RBFOX1: variants seen among roughly 807,000 people sequenced by gnomAD.
The protein encoded by RBFOX1 is RNA binding fox-1 homolog 1.
A neutral mutation model predicts 57.7 loss-of-function variants in RBFOX1; 8 were observed. That is an observed-to-expected ratio of 0.14 (90% confidence interval 0.08 to 0.25). The LOEUF (loss-of-function observed/expected upper bound fraction) is 0.25. Among genes scored for constraint, RBFOX1 ranks in the 10% least tolerant of loss-of-function variants. The pLI is 1.00. For synonymous variants in RBFOX1, 326 were observed against 222.4 expected, an observed-to-expected ratio of 1.47 and a Z score of -4.15; for missense variants, 611 against 548.5, an observed-to-expected ratio of 1.11 and a Z score of -1.14.
chr16:7,209,166 TAATAATAATAATAATA>T (rs2090611766), intron 4 of RBFOX1, among the ~76,000 whole-genome samples: 1 of 148,196 alleles, frequency 6.7e-6, no homozygotes, highest in African/African-American at 2.5e-5. Flanking sequence ...ATAATAATAA[TAATAATAATAATAATA>T]ATAATTGCAG....
intron 14 of RBFOX1, among the ~76,000 whole-genome samples, chr16:7,693,667 T>G (rs1299807208): frequency 6.6e-6 from 1 of 152,136 alleles, no homozygotes. Flanking sequence ...AGTGCTCTTA[T>G]GGTAAAATAG....
At chr16:5,377,569 GAA>G (rs2066018002) in intron 1 of RBFOX1, among the ~76,000 whole-genome samples, 1 of 145,498 alleles carries the variant, frequency 6.9e-6, no homozygotes, top group African/African-American at 2.6e-5. Flanking sequence ...GGAAGGAAAG[GAA>G]AGAGAGGAGA....
chr16:5,782,246 G>T (rs1327374856), intron 3 of RBFOX1, among the ~76,000 whole-genome samples: 2 of 152,200 alleles, frequency 1.3e-5, no homozygotes. Flanking sequence ...AGGCTGGGAA[G>T]TCCAAGATCA....
At chr16:6,618,243 A>G (rs1161643023) in intron 2 of RBFOX1, among the ~76,000 whole-genome samples, 6 of 152,176 alleles carry the variant, frequency 3.9e-5, no homozygotes, top group Admixed American at 6.5e-5. Flanking sequence ...CAGTTATTGA[A>G]TATGATTATG....
intron 3 of RBFOX1, among the ~76,000 whole-genome samples, chr16:5,716,746 T>C (rs2051715454): frequency 6.6e-6 from 1 of 152,188 alleles, no homozygotes; most frequent in Non-Finnish European, 1.5e-5. Context: ...AGTAAAATGA[T>C]TTATATTCCT....
chr16:7,678,173 G>T (rs542193247), intron 14 of RBFOX1, among the ~76,000 whole-genome samples: 1 of 152,140 alleles, frequency 6.6e-6, no homozygotes, highest in Non-Finnish European at 1.5e-5. Flanking sequence ...GCTGTAGGGG[G>T]CCTTCAGAGA....
At chr16:7,185,409 T>G (rs2083516779) in intron 4 of RBFOX1, among the ~76,000 whole-genome samples, 1 of 152,194 alleles carries the variant, frequency 6.6e-6, no homozygotes. Context: ...ATGGATTACA[T>G]GGAGGGCCAT....
chr16:5,454,039 G>C (rs147319907), intron 1 of RBFOX1, among the ~76,000 whole-genome samples: 1 of 152,310 alleles, frequency 6.6e-6, no homozygotes, highest in African/African-American at 2.4e-5. Flanking sequence ...GGGAAAAGGA[G>C]AGTCATAGAA....
chr16:5,891,324 G>C (rs1001819085), intron 4 of RBFOX1, among the ~76,000 whole-genome samples: 2 of 152,162 alleles, frequency 1.3e-5, no homozygotes, highest in Non-Finnish European at 2.9e-5. Flanking sequence ...CGCAGCACAC[G>C]TCCAGGTAGG....
At chr16:5,729,182 C>T (rs185476303) in intron 3 of RBFOX1, among the ~76,000 whole-genome samples, 1 of 152,210 alleles carries the variant, frequency 6.6e-6, no homozygotes, top group East Asian at 1.9e-4. Flanking sequence ...TGTCTTTGGG[C>T]GAGGGGCTTA....
At chr16:5,975,786 A>G (rs1043143922) in intron 4 of RBFOX1, among the ~76,000 whole-genome samples, 1 of 152,220 alleles carries the variant, frequency 6.6e-6, no homozygotes, top group African/African-American at 2.4e-5. Flanking sequence ...CAGTTGTATA[A>G]TTCAATGAGA....
chr16:6,509,024 T>C (rs1467698319), intron 2 of RBFOX1, among the ~76,000 whole-genome samples: 1 of 152,228 alleles, frequency 6.6e-6, no homozygotes, highest in Non-Finnish European at 1.5e-5. Context: ...ATCACCCTTC[T>C]TCATGGCACC....
chr16:6,437,862 C>T (rs537485872), intron 2 of RBFOX1, among the ~76,000 whole-genome samples: 1 of 152,156 alleles, frequency 6.6e-6, no homozygotes, highest in Non-Finnish European at 1.5e-5. Flanking sequence ...CATTCAGTCA[C>T]GTCCCACCAG....
intron 4 of RBFOX1, among the ~76,000 whole-genome samples, chr16:7,308,002 T>C (rs2096231937): frequency 6.6e-6 from 1 of 152,232 alleles, no homozygotes; most frequent in South Asian, 2.1e-4. Flanking sequence ...CATGGAACCA[T>C]TCTTGCTTTG....
intron 3 of RBFOX1, among the ~76,000 whole-genome samples, chr16:5,810,701 C>G (rs2055391704): frequency 2.0e-5 from 3 of 152,152 alleles, no homozygotes. Flanking sequence ...TACAATAAAC[C>G]CAGACTTCCA....
Position 6,784,772 on chromosome 16 carries a change from A to C in RBFOX1, c.-16+130122A>C, listed in dbSNP as rs531321702. On this transcript the variant is annotated intron_variant, in intron 3 of 15. Transcript: ENST00000550418. ...GTTCCTGTGGTCGGGGGTTGTGGGG[A>C]AGTAAATCCCTGGAATTTTCTATTT... 2.0e-5 allele frequency among the ~76,000 whole-genome samples: 3 copies of C among 151,828 alleles called. No individual in the cohort carries two copies. The South Asian group carries it at 6.3e-4, about 32-fold the overall frequency.
intron 3 of RBFOX1, among the ~76,000 whole-genome samples, chr16:6,741,356 G>T (rs1283222982): frequency 6.6e-6 from 1 of 152,054 alleles, no homozygotes; most frequent in East Asian, 1.9e-4. Context: ...AGAAAAAAAT[G>T]ATAAATTAGA....
chr16:6,551,874 A>G (rs1308345777), intron 2 of RBFOX1, among the ~76,000 whole-genome samples: 2 of 152,178 alleles, frequency 1.3e-5, no homozygotes, highest in East Asian at 3.9e-4. Context: ...GTCATTTCAG[A>G]GTGGGAAAAG....
At chr16:6,619,599 G>C (rs1242190872) in intron 2 of RBFOX1, among the ~76,000 whole-genome samples, 1 of 151,626 alleles carries the variant, frequency 6.6e-6, no homozygotes, top group Non-Finnish European at 1.5e-5. Context: ...TGCGTCTAAG[G>C]GTAGGAGACT....
Sources: gnomAD v4.1 joint callset for allele counts (sites outside exome capture counted in the v4.1 genomes callset) on GRCh38, gnomAD v4.1.1 for gene constraint, MANE v1.5 for transcripts, NCBI Gene and HGNC (gene_info 2026-07-23, HGNC 2026-07-21) for gene names.